Variants in PDE10A observed in about 807,000 individuals in gnomAD.
PDE10A encodes cAMP and cAMP-inhibited cGMP 3',5'-cyclic phosphodiesterase 10A.
A neutral mutation model predicts 97.7 loss-of-function variants in PDE10A; 39 were observed. The observed-to-expected ratio is 0.40, with a 90% confidence interval of 0.31 to 0.52. PDE10A has a LOEUF of 0.52. Among genes scored for constraint, PDE10A ranks in the 20% least tolerant of loss-of-function variants. PDE10A has a pLI of 0.56. For missense variants in PDE10A, 731 were observed against 1,047.8 expected (o/e 0.70, Z 4.17); for synonymous variants, 371 against 376.8 (o/e 0.98, Z 0.18).
intron 2 of PDE10A, among the ~76,000 whole-genome samples, chr6:165,539,697 G>T (rs1447596474): frequency 6.6e-6 from 1 of 152,116 alleles, no homozygotes; most frequent in Non-Finnish European, 1.5e-5. Context: ...TGGGGTGGGG[G>T]ATCACTTGAG....
chr6:165,938,281 T>C (rs1449318233), intron 1 of PDE10A, among the ~76,000 whole-genome samples: 3 of 152,214 alleles, frequency 2.0e-5, no homozygotes, highest in African/African-American at 7.2e-5. Flanking sequence ...TTCACAAAGC[T>C]GTAGCGTGGA....
rs1367413241 is a variant in PDE10A, at chr6:165,803,799, T to TTCCA, written c.-615+183726_-615+183729dup. Among the ~76,000 whole-genome samples, 4 of 152,346 alleles carry TTCCA rather than the reference T, an allele frequency of 2.6e-5. No homozygotes were observed. In the East Asian group the frequency reaches 7.7e-4, roughly 29 times the overall value. ...TGTACCCAACCCTCCTTGTATACTT[T>TTCCA]TCCATACATGCAGGCACAGTTAGAG... On this transcript the variant is annotated intron_variant, in intron 1 of 19. Transcript: ENST00000366882.
chr6:165,403,699 C>A (rs1033986490), intron 13 of PDE10A, among the ~76,000 whole-genome samples: 3 of 152,096 alleles, frequency 2.0e-5, no homozygotes, highest in African/African-American at 4.8e-5. Context: ...CTAAGCAAGT[C>A]CTAAAATCAA....
At chr6:165,847,169 A>G (rs1562766009) in intron 1 of PDE10A, among the ~76,000 whole-genome samples, 1 of 152,182 alleles carries the variant, frequency 6.6e-6, no homozygotes, top group Non-Finnish European at 1.5e-5. Flanking sequence ...GCTGAAATTC[A>G]CTGGCTACCC....
At chr6:165,367,935 T>C (rs1053290162) in intron 18 of PDE10A, among the ~76,000 whole-genome samples, 3 of 152,218 alleles carry the variant, frequency 2.0e-5, no homozygotes, top group Non-Finnish European at 4.4e-5. Context: ...TTTACATTAA[T>C]GAATTAAAAA....
At chr6:165,618,161 G>GT in intron 1 of PDE10A, among the ~76,000 whole-genome samples, 1 of 152,280 alleles carries the variant, frequency 6.6e-6, no homozygotes, top group East Asian at 1.9e-4. Context: ...TATGTGTGTT[G>GT]TTTAAATGTA....
intron 2 of PDE10A, among the ~76,000 whole-genome samples, chr6:165,487,059 C>G (rs995473390): frequency 1.3e-5 from 2 of 152,204 alleles, no homozygotes; most frequent in Admixed American, 6.5e-5. Flanking sequence ...GGATCCGCGA[C>G]GCATTTGTGA....
intron 18 of PDE10A, among the ~76,000 whole-genome samples, chr6:165,368,914 G>A (rs966355242): frequency 6.6e-6 from 1 of 152,154 alleles, no homozygotes; most frequent in African/African-American, 2.4e-5. Context: ...CAGCATTCGC[G>A]GTTCACGAAA....
At chr6:165,561,310 A>G (rs1476453092) in intron 1 of PDE10A, among the ~76,000 whole-genome samples, 19 of 151,878 alleles carry the variant, frequency 1.3e-4, no homozygotes, top group Non-Finnish European at 2.2e-4. Context: ...GCCTTCCACC[A>G]TGATTGTAAA....
At chr6:165,717,944 T>G (rs1792066524) in intron 1 of PDE10A, among the ~76,000 whole-genome samples, 1 of 152,078 alleles carries the variant, frequency 6.6e-6, no homozygotes, top group Non-Finnish European at 1.5e-5. Context: ...ATGTCTGGGG[T>G]TTTTTTGTGG....
intron 1 of PDE10A, among the ~76,000 whole-genome samples, chr6:165,793,588 G>A (rs970450873): frequency 1.3e-4 from 20 of 152,154 alleles, no homozygotes; most frequent in African/African-American, 4.8e-4. Context: ...AGCTTTCCAT[G>A]ACAAGACTCA....
At chr6:165,980,110 T>C (rs1380747949) in intron 1 of PDE10A, among the ~76,000 whole-genome samples, 2 of 152,232 alleles carry the variant, frequency 1.3e-5, no homozygotes, top group Non-Finnish European at 2.9e-5. Flanking sequence ...ATCATAGGTG[T>C]AATCACCCTA....
chr6:165,409,451 G>A (rs992146620), intron 13 of PDE10A: 3 of 152,490 alleles, frequency 2.0e-5, no homozygotes, highest in African/African-American at 7.2e-5. Context: ...GGAGCCTGAG[G>A]CTGGAGAATC....
chr6:165,520,380 T>C (rs879400800), intron 2 of PDE10A, among the ~76,000 whole-genome samples: 24 of 152,152 alleles, frequency 1.6e-4, no homozygotes, highest in Admixed American at 6.6e-4. Flanking sequence ...TTATAAACCA[T>C]AGAGAACGCT....
At chr6:165,414,996 C>A (rs1228406832) in intron 12 of PDE10A, among the ~76,000 whole-genome samples, 1 of 152,080 alleles carries the variant, frequency 6.6e-6, no homozygotes, top group Non-Finnish European at 1.5e-5. Context: ...AATCACCTGC[C>A]CTTTGTATTA....
At chr6:165,488,720 CTGT>C (rs1780059068) in intron 2 of PDE10A, among the ~76,000 whole-genome samples, 1 of 152,122 alleles carries the variant, frequency 6.6e-6, no homozygotes, top group African/African-American at 2.4e-5. Context: ...TGCTCACCAC[CTGT>C]CTGGAAATAA....
At chr6:165,588,683 C>T (rs540106941) in intron 1 of PDE10A, among the ~76,000 whole-genome samples, 6 of 152,256 alleles carry the variant, frequency 3.9e-5, no homozygotes, top group African/African-American at 1.4e-4. Context: ...ATTATTCTGC[C>T]ATTTTAAGAA....
chr6:165,731,593 G>T (rs971283168), intron 1 of PDE10A, among the ~76,000 whole-genome samples: 3 of 152,178 alleles, frequency 2.0e-5, no homozygotes, highest in Non-Finnish European at 2.9e-5. Context: ...CTGCGGAGCC[G>T]TTACACATTC....
intron 3 of PDE10A, among the ~76,000 whole-genome samples, chr6:165,474,701 C>A (rs577576958): frequency 1.3e-5 from 2 of 149,314 alleles, no homozygotes; most frequent in Non-Finnish European, 1.5e-5. Flanking sequence ...TTTTACGCAA[C>A]TTCTTGTTAG....
Sources: gnomAD v4.1 joint callset for allele counts (sites outside exome capture counted in the v4.1 genomes callset) on GRCh38, gnomAD v4.1.1 for gene constraint, MANE v1.5 for transcripts, NCBI Gene and HGNC (gene_info 2026-07-23, HGNC 2026-07-21) for gene names.